GALNTL6: variants seen among roughly 807,000 people sequenced by gnomAD.
GALNTL6 encodes polypeptide N-acetylgalactosaminyltransferase like 6.
In GALNTL6, 46 loss-of-function variants were observed where a neutral mutation model predicts 73.7. The observed-to-expected ratio is 0.62, with a 90% CI of 0.49 to 0.80. The LOEUF (loss-of-function observed/expected upper bound fraction) is 0.80. Ranked by LOEUF, GALNTL6 falls within the 30% of genes least tolerant of loss-of-function variation. The probability of loss-of-function intolerance (pLI) is 0.00; values close to 1 mark genes in which losing one functional copy is unlikely to be tolerated. For missense variants in GALNTL6, 604 were observed against 755.0 expected (o/e 0.80, Z 2.34); for synonymous variants, 259 against 263.7 (o/e 0.98, Z 0.17).
intron 5 of GALNTL6, among the ~76,000 whole-genome samples, chr4:172,747,569 T>C (rs1357243521): frequency 6.6e-6 from 1 of 152,106 alleles, no homozygotes; most frequent in Non-Finnish European, 1.5e-5. Context: ...GTTGATGGTA[T>C]TGTAAATTAG....
At chr4:172,889,293 G>A (rs1745893035) in intron 8 of GALNTL6, among the ~76,000 whole-genome samples, 1 of 152,122 alleles carries the variant, frequency 6.6e-6, no homozygotes, top group Non-Finnish European at 1.5e-5. Context: ...CCAGTACTAT[G>A]TCAAATAGGA....
intron 8 of GALNTL6, among the ~76,000 whole-genome samples, chr4:172,909,824 T>C (rs1279647721): frequency 5.3e-5 from 8 of 152,080 alleles, no homozygotes; most frequent in Non-Finnish European, 1.2e-4. Flanking sequence ...ATGACACATA[T>C]ACAACACATG....
chr4:172,235,632 A>G (rs1737216783), intron 3 of GALNTL6, among the ~76,000 whole-genome samples: 1 of 151,958 alleles, frequency 6.6e-6, no homozygotes, highest in Non-Finnish European at 1.5e-5. Flanking sequence ...TTTATTTTTT[A>G]CTTTTAAAAT....
chr4:172,157,104 C>G (rs1400129453), intron 2 of GALNTL6, among the ~76,000 whole-genome samples: 2 of 151,972 alleles, frequency 1.3e-5, no homozygotes, highest in African/African-American at 4.8e-5. Flanking sequence ...TAACTAACTC[C>G]CCAGCCTACA....
chr4:173,036,605 A>G (rs771208795), intron 12 of GALNTL6, among the ~76,000 whole-genome samples: 1 of 152,218 alleles, frequency 6.6e-6, no homozygotes, highest in Non-Finnish European at 1.5e-5. Context: ...CAAAACCAAA[A>G]CAAACAGAAA....
intron 7 of GALNTL6, among the ~76,000 whole-genome samples, chr4:172,881,324 T>G (rs1358618875): frequency 6.6e-6 from 1 of 152,136 alleles, no homozygotes; most frequent in Non-Finnish European, 1.5e-5. Flanking sequence ...ATTCTAGGAT[T>G]TTTATTACAA....
chr4:172,378,114 T>C (rs1365314444), intron 5 of GALNTL6, among the ~76,000 whole-genome samples: 2 of 152,224 alleles, frequency 1.3e-5, no homozygotes, highest in Non-Finnish European at 2.9e-5. Flanking sequence ...CTATCATACT[T>C]TTCCAGTCAC....
chr4:172,605,787 T>C (rs940565088), intron 5 of GALNTL6, among the ~76,000 whole-genome samples: 2 of 151,958 alleles, frequency 1.3e-5, no homozygotes, highest in Non-Finnish European at 2.9e-5. Context: ...TGTGGACACA[T>C]TGAAGAGTGA....
Position 172,336,038 on chromosome 4 carries a change from C to G in GALNTL6, c.387-12485C>G, listed in dbSNP as rs202005348. Among the ~76,000 whole-genome samples the G allele has an allele frequency of 8.0e-4, 122 of 152,084 alleles. 2 individuals carry two copies. The South Asian group carries it at 0.016, about 20-fold the overall frequency. ...TCTAGTTCCTCTATGTGTGATGTTA[C>G]ACTGTTAATTTGAGACCATTCTAAC... On this transcript the variant is annotated intron_variant, in intron 4 of 12. Coordinates refer to ENST00000506823, the MANE Select transcript of GALNTL6 (RefSeq NM_001034845.3).
At chr4:172,522,724 A>T (rs1469480912) in intron 5 of GALNTL6, among the ~76,000 whole-genome samples, 1 of 138,476 alleles carries the variant, frequency 7.2e-6, no homozygotes, top group African/African-American at 2.6e-5. Flanking sequence ...TATGAGGATG[A>T]GGGTTTTCAT....
intron 2 of GALNTL6, among the ~76,000 whole-genome samples, chr4:172,139,030 G>A (rs1733731924): frequency 6.6e-6 from 1 of 152,080 alleles, no homozygotes; most frequent in South Asian, 2.1e-4. Flanking sequence ...GATCAGCAAT[G>A]ATTTGGAAGG....
intron 2 of GALNTL6, among the ~76,000 whole-genome samples, chr4:172,066,871 C>A (rs1266114242): frequency 2.6e-5 from 4 of 152,076 alleles, no homozygotes; most frequent in South Asian, 2.1e-4. Flanking sequence ...TTCTCCCTAA[C>A]CTTTACCTGT....
intron 5 of GALNTL6, among the ~76,000 whole-genome samples, chr4:172,411,952 C>T (rs932101245): frequency 6.6e-6 from 1 of 151,896 alleles, no homozygotes; most frequent in Non-Finnish European, 1.5e-5. Flanking sequence ...TAGCACATTA[C>T]ATGGTGATAC....
At chr4:171,849,028 G>A (rs1209475696) in intron 2 of GALNTL6, among the ~76,000 whole-genome samples, 1 of 152,072 alleles carries the variant, frequency 6.6e-6, no homozygotes, top group South Asian at 2.1e-4. Flanking sequence ...ACCATCGCCT[G>A]AATAGTGTAC....
chr4:172,246,571 A>G (rs1257026606), intron 3 of GALNTL6, among the ~76,000 whole-genome samples: 2 of 151,992 alleles, frequency 1.3e-5, no homozygotes, highest in African/African-American at 4.8e-5. Context: ...TATTTTTATA[A>G]TCTAACCAGA....
At chr4:172,086,879 A>T (rs1447033227) in intron 2 of GALNTL6, among the ~76,000 whole-genome samples, 1 of 152,180 alleles carries the variant, frequency 6.6e-6, no homozygotes, top group African/African-American at 2.4e-5. Context: ...TTAACTAAAA[A>T]TATTCGGAAA....
At chr4:172,442,468 A>C (rs1215683757) in intron 5 of GALNTL6, among the ~76,000 whole-genome samples, 1 of 152,176 alleles carries the variant, frequency 6.6e-6, no homozygotes, top group African/African-American at 2.4e-5. Context: ...ATGCTCAATA[A>C]GTATTTAGAC....
chr4:172,486,041 A>C (rs1202566160), intron 5 of GALNTL6, among the ~76,000 whole-genome samples: 1 of 152,204 alleles, frequency 6.6e-6, no homozygotes, highest in Non-Finnish European at 1.5e-5. Context: ...AGCAATTACC[A>C]AGTGACAGGT....
At chr4:172,920,618 C>T (rs1020103760) in intron 8 of GALNTL6, among the ~76,000 whole-genome samples, 3 of 152,186 alleles carry the variant, frequency 2.0e-5, no homozygotes, top group Admixed American at 6.5e-5. Flanking sequence ...GTATTTTTAA[C>T]ATCACTCATT....
Sources: allele counts gnomAD v4.1 joint callset (sites outside exome capture counted in the v4.1 genomes callset), GRCh38; gene constraint gnomAD v4.1.1; transcripts MANE v1.5; gene names NCBI Gene and HGNC (gene_info 2026-07-23, HGNC 2026-07-21).